Variants in UGGT1 observed in about 807,000 individuals in gnomAD.
The protein encoded by UGGT1 is UDP-glucose glycoprotein glucosyltransferase 1, also known as UDP-glucose:glycoprotein glucosyltransferase 1.
UGGT1 carries 107 observed loss-of-function variants against 203.9 expected under a neutral mutation model. The ratio of observed to expected loss-of-function variants is 0.52; its 90% CI spans 0.45 to 0.62. UGGT1 has a LOEUF of 0.62. Among genes scored for constraint, UGGT1 ranks in the 20% least tolerant of loss-of-function variants. UGGT1 has a pLI of 0.00. For missense variants in UGGT1, 1,673 were observed against 1,867.2 expected, an observed-to-expected ratio of 0.90 and a Z score of 1.92; for synonymous variants, 628 against 653.5, an observed-to-expected ratio of 0.96 and a Z score of 0.59.
At chr2:128,164,565 A>G (rs533122385) in intron 25 of UGGT1, among the ~76,000 whole-genome samples, 165 bp from the exon 26 acceptor site, 1 of 152,332 alleles carries the variant, frequency 6.6e-6, no homozygotes, top group East Asian at 1.9e-4. Context: ...AACTTCTCCA[A>G]GGTTATACCA....
intron 12 of UGGT1, among the ~76,000 whole-genome samples, chr2:128,128,768 T>G (rs1468020086): frequency 1.3e-5 from 2 of 152,218 alleles, no homozygotes; most frequent in African/African-American, 4.8e-5. Context: ...TTTTTAATCT[T>G]TATTTTGAGA....
chr2:128,121,935 A>G (rs934977506), intron 10 of UGGT1, among the ~76,000 whole-genome samples: 2 of 152,226 alleles, frequency 1.3e-5, no homozygotes, highest in African/African-American at 2.4e-5. Flanking sequence ...TCTTGCTCAT[A>G]TAACTAACTA....
At chr2:128,157,803 T>A (rs968459698) in intron 22 of UGGT1, among the ~76,000 whole-genome samples, 1 of 152,188 alleles carries the variant, frequency 6.6e-6, no homozygotes, top group Non-Finnish European at 1.5e-5. Context: ...TCTGAAAAGA[T>A]ATGCTGCCAT....
intron 29 of UGGT1, 106 bp downstream of exon 29, chr2:128,172,868 T>G (rs2104787874): frequency 9.2e-7 from 1 of 1,083,896 alleles, no homozygotes; most frequent in East Asian, 2.5e-5. Flanking sequence ...GTATGATATT[T>G]TTTTAAACAA....
chr2:128,179,852 C>T lies in UGGT1; in HGVS notation c.3882C>T (p.Tyr1294=). The T allele has an allele frequency of 3.7e-6, 6 of 1,613,724 alleles. No individual in the cohort carries two copies. The highest frequency in any genetic ancestry group is 5.1e-6 in the Non-Finnish European group (6 of 1,179,730). ...TPVKFWFLKN[Y]LSPTFKEFIP... The stretch of plus-strand genomic sequence containing the variant: ...TGAAATTCTGGTTCTTGAAGAATTA[C>T]TTGTCCCCCACATTTAAGGTTTGTT... The change falls in exon 35 of 41, where the codon TAC becomes TAT. Residue 1294 remains tyrosine (Y), a synonymous_variant. Transcript: ENST00000259253.
At chr2:128,159,341 C>T (rs558225796) in intron 22 of UGGT1, among the ~76,000 whole-genome samples, 173 bp from the exon 23 acceptor site, 5 of 152,020 alleles carry the variant, frequency 3.3e-5, no homozygotes, top group East Asian at 1.9e-4. Flanking sequence ...TCTCGTGGTC[C>T]GCCCGCTTTG....
chr2:128,158,046 C>G (rs1232551136), intron 22 of UGGT1, among the ~76,000 whole-genome samples: 1 of 152,066 alleles, frequency 6.6e-6, no homozygotes, highest in Admixed American at 6.6e-5. Context: ...ACTCATATGC[C>G]GAGTTCCTTT....
chr2:128,150,558 CATGT>C (rs1177516602), intron 18 of UGGT1, among the ~76,000 whole-genome samples: 1 of 151,592 alleles, frequency 6.6e-6, no homozygotes, highest in Non-Finnish European at 1.5e-5. Context: ...AGACAACTAC[CATGT>C]GTGTGTGTGT....
chr2:128,145,000 T>G (rs146722659), intron 17 of UGGT1, among the ~76,000 whole-genome samples: 1 of 152,210 alleles, frequency 6.6e-6, no homozygotes, highest in Non-Finnish European at 1.5e-5. Flanking sequence ...AATGTCTGTC[T>G]TAGGTACATT....
chr2:128,154,512 T>A (rs1690133384), intron 19 of UGGT1, among the ~76,000 whole-genome samples: 3 of 152,332 alleles, frequency 2.0e-5, no homozygotes, highest in Non-Finnish European at 4.4e-5. Context: ...TGGCTTTGGC[T>A]GTCCTGGAAC....
chr2:128,143,317 G>A, intron 17 of UGGT1, 92 bp downstream of exon 17: 1 of 1,373,132 alleles, frequency 7.3e-7, no homozygotes, highest in Non-Finnish European at 9.7e-7. Flanking sequence ...TGGCGATGGT[G>A]GTTAAAGTGT....
In UGGT1 at chr2:128,173,832, G is replaced by T. The variant is rs781660668; in HGVS notation, c.3346G>T (p.Gly1116Cys). ...EYELEYLLLE[G>C]HCYDITTGQP... ...TGAGCTGGAATACCTGTTACTGGAA[G>T]GTCATTGCTACGACATCACCACAGG... Residue 1116 changes from glycine to cysteine, a missense_variant, in exon 30 of 41, where the codon GGT becomes TGT. Coordinates refer to ENST00000259253, the MANE Select transcript of UGGT1 (RefSeq NM_020120.4). 6.2e-7 allele frequency: 1 copy of T among 1,614,032 alleles called. No individual in the cohort carries two copies. Among genetic ancestry groups the T allele is most frequent in the African/African-American group, 1.3e-5 (1 of 74,912 alleles).
At chr2:128,172,535 C>T (rs764909936) in intron 28 of UGGT1, 38 bp from the exon 29 acceptor site, 1 of 1,606,086 alleles carries the variant, frequency 6.2e-7, no homozygotes, top group Non-Finnish European at 8.5e-7. Context: ...CCTGTTGTCA[C>T]ATCGAAAATT....
chr2:128,173,798 T>C lies in UGGT1; in HGVS notation c.3312T>C (p.Ala1104=). 6.2e-7 allele frequency: 1 copy of C among 1,614,202 alleles called. No individual in the cohort carries two copies. ...IYLEEVDSVV[A]AEYELEYLLL... The stretch of plus-strand genomic sequence containing the variant: ...GCTTGCAGGTGGACAGTGTAGTGGC[T>C]GCTGAGTATGAGCTGGAATACCTGT... Residue 1104 remains alanine (A), a synonymous_variant, in exon 30 of 41, where the codon GCT becomes GCC. Transcript: ENST00000259253.
Position 128,161,265 on chromosome 2 carries a change from A to G in UGGT1, c.2822A>G (p.Asp941Gly), listed in dbSNP as rs781204881. The change falls in exon 25 of 41, where the codon GAT (aspartate) becomes GGT (glycine). Residue 941 changes from aspartate (D) to glycine (G), a missense_variant. This residue lies in a region of UGGT1 where 1,073 missense variants were observed against 1,078.7 expected (regional missense o/e 0.99). Coordinates refer to ENST00000259253, the MANE Select transcript of UGGT1 (RefSeq NM_020120.4). ...SHIQQLRVEE[D>G]VASDLVMKVD... is the part of the protein sequence containing the mutation. ...ATTCAACAGCTTCGGGTAGAAGAAG[A>G]TGTGTAAGTTTTGCCATAGGAGGAA... 3 of 1,613,404 alleles carry G rather than the reference A, an allele frequency of 1.9e-6. No individual in the cohort carries two copies. The highest frequency in any genetic ancestry group is 2.5e-6 in the Non-Finnish European group (3 of 1,179,742).
In UGGT1 at chr2:128,164,807, T is replaced by A; in HGVS notation, c.2903T>A (p.Phe968Tyr). Residue 968 changes from phenylalanine (F) to tyrosine (Y), a missense_variant, in exon 26 of 41, where the codon TTT (phenylalanine) becomes TAT (tyrosine). By Grantham distance (22) the Phe-to-Tyr change is conservative. Transcript: ENST00000259253. ...GGAGATCCAAGAATCGAGTACCAGT[T>A]TTTTGAAGACAGACACAGGTATAGA... ...PKGDPRIEYQ[F>Y]FEDRHSAIKL... 1 of 1,607,156 alleles carries A rather than the reference T, an allele frequency of 6.2e-7. No homozygotes were observed. Among genetic ancestry groups the A allele is most frequent in the Non-Finnish European group, 8.5e-7 (1 of 1,177,932 alleles).
intron 10 of UGGT1, among the ~76,000 whole-genome samples, chr2:128,121,747 G>C (rs1558768447): frequency 6.6e-6 from 1 of 152,200 alleles, no homozygotes; most frequent in East Asian, 1.9e-4. Context: ...TACTATTGCA[G>C]ATGGTGCTCT....
intron 22 of UGGT1, among the ~76,000 whole-genome samples, chr2:128,158,737 T>G (rs1183288545): frequency 6.6e-6 from 1 of 152,216 alleles, no homozygotes; most frequent in Non-Finnish European, 1.5e-5. Flanking sequence ...AGCCCTTTTT[T>G]GGCTTTGTGT....
At chr2:128,122,673 A>G (rs2105395641) in intron 10 of UGGT1, among the ~76,000 whole-genome samples, 1 of 152,314 alleles carries the variant, frequency 6.6e-6, no homozygotes, top group South Asian at 2.1e-4. Flanking sequence ...AATGGTTCCC[A>G]GTCATTTTCT....
Sources: gnomAD v4.1 joint callset for allele counts (sites outside exome capture counted in the v4.1 genomes callset) on GRCh38, gnomAD v4.1.1 for gene constraint, gnomAD v4.1.1 regional missense constraint, MANE v1.5 for transcripts, NCBI Gene and HGNC (gene_info 2026-07-23, HGNC 2026-07-21) for gene names.